The following ADAM32 variants were observed in gnomAD, a reference collection of about 807,000 sequenced individuals.
ADAM32 encodes the protein ADAM metallopeptidase domain 32.
Under a neutral mutation model 114.9 loss-of-function variants are expected in ADAM32, and 89 were observed. That is an observed-to-expected ratio of 0.77 (90% CI 0.65 to 0.92). The LOEUF (loss-of-function observed/expected upper bound fraction) is 0.92, where lower values mean the gene tolerates loss of function less well. Ranked by LOEUF, ADAM32 falls within the 40% of genes least tolerant of loss-of-function variation. ADAM32 has a pLI of 0.00. For missense variants in ADAM32, 870 were observed against 932.8 expected (o/e 0.93, Z 0.88); for synonymous variants, 285 against 307.5 (o/e 0.93, Z 0.77).
intron 17 of ADAM32, among the ~76,000 whole-genome samples, chr8:39,248,787 A>C (rs1005620535): frequency 6.6e-6 from 1 of 151,998 alleles, no homozygotes; most frequent in Non-Finnish European, 1.5e-5. Flanking sequence ...CTAATATCTC[A>C]CCATTAAGTA....
chr8:39,210,797 G>A (rs1808154788), intron 11 of ADAM32, among the ~76,000 whole-genome samples: 1 of 152,158 alleles, frequency 6.6e-6, no homozygotes, highest in South Asian at 2.1e-4. Flanking sequence ...ATAAAATTTT[G>A]TGGTTAATTG....
intron 2 of ADAM32, chr8:39,129,981 G>A (rs1319919756): frequency 3.2e-6 from 1 of 307,972 alleles, no homozygotes; most frequent in Non-Finnish European, 6.2e-6. Context: ...TCAAGACAAT[G>A]TCTCACTCTG....
intron 11 of ADAM32, among the ~76,000 whole-genome samples, chr8:39,193,067 G>T (rs1383177553): frequency 6.6e-6 from 1 of 152,142 alleles, no homozygotes; most frequent in African/African-American, 2.4e-5. Flanking sequence ...GGCCTCTCTA[G>T]CTAGGATGAT....
chr8:39,213,823 C>T (rs751518370), intron 12 of ADAM32, among the ~76,000 whole-genome samples: 6 of 151,998 alleles, frequency 3.9e-5, no homozygotes, highest in African/African-American at 7.3e-5. Context: ...TCCCTTGTCC[C>T]CTCCCCACCT....
intron 5 of ADAM32, among the ~76,000 whole-genome samples, chr8:39,150,447 C>G (rs1299126951): frequency 6.6e-6 from 1 of 152,080 alleles, no homozygotes; most frequent in African/African-American, 2.4e-5. Flanking sequence ...GATGCTTTTT[C>G]TCAAGGAAAT....
At chr8:39,162,462 A>G (rs1804575586) in intron 7 of ADAM32, among the ~76,000 whole-genome samples, 1 of 152,060 alleles carries the variant, frequency 6.6e-6, no homozygotes, top group African/African-American at 2.4e-5. Context: ...ATAGTGCTGC[A>G]ATAAACATAC....
chr8:39,265,288 A>T (rs1381863894), intron 19 of ADAM32, among the ~76,000 whole-genome samples: 2 of 152,060 alleles, frequency 1.3e-5, no homozygotes, highest in African/African-American at 4.8e-5. Context: ...TTTGGTTTAA[A>T]GTTTGTTTTA....
intron 20 of ADAM32, among the ~76,000 whole-genome samples, chr8:39,271,700 T>A (rs1037039330): frequency 1.2e-4 from 18 of 151,968 alleles, no homozygotes; most frequent in Non-Finnish European, 1.8e-4. Flanking sequence ...AAAGACCAGT[T>A]AAGAAACAAA....
intron 20 of ADAM32, among the ~76,000 whole-genome samples, chr8:39,272,180 G>A (rs1812778961): frequency 6.6e-6 from 1 of 151,020 alleles, no homozygotes; most frequent in African/African-American, 2.4e-5. Flanking sequence ...GGGACAAAAT[G>A]CAATTTATTG....
In ADAM32 at chr8:39,274,310, A is replaced by T; in HGVS notation, c.2202-2A>T. The T allele has an allele frequency of 6.2e-7, 1 of 1,613,034 alleles. No individual in the cohort carries two copies. The highest frequency in any genetic ancestry group is 8.5e-7 in the Non-Finnish European group (1 of 1,179,466). ...GAGACATTGCTTTCAATTTTTTTTT[A>T]GATCCAGCTCAGAAGGCAGCACTCA... On this transcript the variant is annotated splice_acceptor_variant, in intron 20 of 24. Transcript: ENST00000379907. LOFTEE classifies it high-confidence loss of function.
In ADAM32 at chr8:39,107,784, C is replaced by T. The variant is rs537262437; in HGVS notation, c.9C>T (p.Arg3=). 19 of 1,550,588 alleles carry T rather than the reference C, an allele frequency of 1.2e-5. 1 individual carries two copies. In the Middle Eastern group the frequency reaches 8.4e-4, roughly 68 times the overall value. ...AGCCCCGAAGCCGCACCATGTTCCGCCTCTGGTTGCTGCTGGCCGGGCTCT... is the reference window on the plus strand; with the variant it reads ...AGCCCCGAAGCCGCACCATGTTCCGTCTCTGGTTGCTGCTGGCCGGGCTCT... The part of the protein sequence containing the change: MF[R]LWLLLAGLCG... Residue 3 remains arginine (R), a synonymous_variant, in exon 1 of 25, where the codon CGC becomes CGT. Transcript: ENST00000379907.
chr8:39,150,587 A>G (rs1803762983), intron 5 of ADAM32, among the ~76,000 whole-genome samples: 1 of 152,106 alleles, frequency 6.6e-6, no homozygotes, highest in South Asian at 2.1e-4. Flanking sequence ...CTTACGGCTT[A>G]GGGAGTTTTC....
chr8:39,145,617 T>C (rs1302002697), intron 3 of ADAM32, among the ~76,000 whole-genome samples: 2 of 152,216 alleles, frequency 1.3e-5, no homozygotes, highest in Non-Finnish European at 2.9e-5. Flanking sequence ...GTGGTATCTA[T>C]CATTATCACT....
At chr8:39,273,393 G>A (rs929681124) in intron 20 of ADAM32, among the ~76,000 whole-genome samples, 2 of 152,018 alleles carry the variant, frequency 1.3e-5, no homozygotes, top group African/African-American at 2.4e-5. Context: ...CAGGCGTGGT[G>A]GCACATGCCT....
At chr8:39,248,890 C>T (rs1585640498) in intron 17 of ADAM32, among the ~76,000 whole-genome samples, 1 of 148,984 alleles carries the variant, frequency 6.7e-6, no homozygotes, top group Non-Finnish European at 1.5e-5. Context: ...TTTTAAAACA[C>T]AAATGAGTGT....
chr8:39,112,441 G>A (rs772570057), intron 1 of ADAM32, among the ~76,000 whole-genome samples: 9 of 151,920 alleles, frequency 5.9e-5, no homozygotes, highest in Non-Finnish European at 8.8e-5. Flanking sequence ...TTTGTTTTCC[G>A]TATTAAGGCT....
intron 19 of ADAM32, among the ~76,000 whole-genome samples, chr8:39,264,952 T>C (rs190857022): frequency 7.6e-4 from 115 of 152,208 alleles, no homozygotes; most frequent in Non-Finnish European, 1.3e-3. Context: ...AGAATTTACA[T>C]TGTGGTGTTG....
intron 6 of ADAM32, among the ~76,000 whole-genome samples, chr8:39,152,178 C>A (rs145081662): frequency 3.3e-5 from 5 of 152,188 alleles, no homozygotes; most frequent in Non-Finnish European, 5.9e-5. Flanking sequence ...ATATTCATGA[C>A]CAACGAGTCA....
At chr8:39,194,187 C>T (rs1199485653) in intron 11 of ADAM32, among the ~76,000 whole-genome samples, 7 of 152,150 alleles carry the variant, frequency 4.6e-5, no homozygotes, top group Non-Finnish European at 1.0e-4. Context: ...CTGGTGGGTG[C>T]AGGACAGTGT....
Sources: gnomAD v4.1 joint callset for allele counts (sites outside exome capture counted in the v4.1 genomes callset) on GRCh38, gnomAD v4.1.1 for gene constraint, MANE v1.5 for transcripts, NCBI Gene and HGNC (gene_info 2026-07-23, HGNC 2026-07-21) for gene names.